MBNL1: variants seen among roughly 807,000 people sequenced by gnomAD.
The protein encoded by MBNL1 is muscleblind-like protein 1.
Under a neutral mutation model 42.2 loss-of-function variants are expected in MBNL1, and 8 were observed. The ratio of observed to expected loss-of-function variants is 0.19; its 90% confidence interval spans 0.11 to 0.34. The LOEUF is 0.34. MBNL1 is among the 10% of genes least tolerant of loss of function. The probability of loss-of-function intolerance (pLI) is 1.00; values close to 1 mark genes in which losing one functional copy is unlikely to be tolerated. For synonymous variants in MBNL1, 169 were observed against 173.9 expected (o/e 0.97, Z 0.22); for missense variants, 309 against 495.3 (o/e 0.62, Z 3.57).
chr3:152,403,186 C>T (rs565697174), intron 2 of MBNL1, among the ~76,000 whole-genome samples: 1 of 141,876 alleles, frequency 7.0e-6, no homozygotes, highest in South Asian at 2.3e-4. Context: ...TCCCCTCTCA[C>T]GTTCACATTC....
At chr3:152,301,416 CAT>C (rs2060677781) in intron 2 of MBNL1, among the ~76,000 whole-genome samples, 1 of 152,102 alleles carries the variant, frequency 6.6e-6, no homozygotes, top group Non-Finnish European at 1.5e-5. Context: ...GTAAAAGTCT[CAT>C]AGATCCATCT....
chr3:152,369,931 A>G (rs1044513602), intron 2 of MBNL1, among the ~76,000 whole-genome samples: 5 of 151,876 alleles, frequency 3.3e-5, no homozygotes, highest in African/African-American at 1.2e-4. Context: ...CTAGTAGTCT[A>G]TCTATTTTGT....
chr3:152,314,753 T>C (rs2069549129), intron 2 of MBNL1, among the ~76,000 whole-genome samples: 2 of 152,246 alleles, frequency 1.3e-5, no homozygotes, highest in South Asian at 2.1e-4. Context: ...GGAGAGCATG[T>C]ACTTTTTCCA....
At chr3:152,391,439 C>A (rs75453690) in intron 2 of MBNL1, among the ~76,000 whole-genome samples, 2,421 of 152,206 alleles carry the variant, frequency 0.016, 57 homozygotes, top group African/African-American at 0.055. Flanking sequence ...TCTATGTTTT[C>A]GTTTTTTCTT....
At chr3:152,323,906 C>T (rs1235719397) in intron 2 of MBNL1, among the ~76,000 whole-genome samples, 1 of 152,140 alleles carries the variant, frequency 6.6e-6, no homozygotes, top group East Asian at 1.9e-4. Context: ...TGGTTTTGTT[C>T]CCTCCTTTCT....
chr3:152,421,978 T>A (rs954693366), intron 3 of MBNL1, among the ~76,000 whole-genome samples: 3 of 148,072 alleles, frequency 2.0e-5, no homozygotes, highest in East Asian at 2.0e-4. Context: ...AAAAAAAAAA[T>A]ACCAAAATGT....
intron 1 of MBNL1, among the ~76,000 whole-genome samples, chr3:152,286,081 A>G (rs2051522806): frequency 6.6e-6 from 1 of 151,640 alleles, no homozygotes; most frequent in Admixed American, 6.6e-5. Flanking sequence ...AGGAGCATAC[A>G]TTTTTAGTTT....
At chr3:152,281,918 C>T (rs1449349097) in intron 1 of MBNL1, among the ~76,000 whole-genome samples, 1 of 152,104 alleles carries the variant, frequency 6.6e-6, no homozygotes, top group Non-Finnish European at 1.5e-5. Flanking sequence ...TTCTCACTTT[C>T]CCCCAAATCC....
intron 2 of MBNL1, among the ~76,000 whole-genome samples, chr3:152,359,147 G>T (rs2095753775): frequency 6.6e-6 from 1 of 152,104 alleles, no homozygotes; most frequent in Non-Finnish European, 1.5e-5. Context: ...ACATGTATAA[G>T]CAAGAAATTG....
chr3:152,374,580 C>T (rs2096820328), intron 2 of MBNL1, among the ~76,000 whole-genome samples: 1 of 152,190 alleles, frequency 6.6e-6, no homozygotes, highest in South Asian at 2.1e-4. Context: ...TCAACTTGGA[C>T]TCAAAGTAAG....
chr3:152,364,312 T>G (rs1045903045), intron 2 of MBNL1, among the ~76,000 whole-genome samples: 9 of 152,092 alleles, frequency 5.9e-5, no homozygotes, highest in African/African-American at 2.2e-4. Flanking sequence ...TTACAATAAC[T>G]TTGTGTTTTT....
chr3:152,325,824 TTTTG>T (rs2079565144), intron 2 of MBNL1, among the ~76,000 whole-genome samples: 2 of 152,070 alleles, frequency 1.3e-5, no homozygotes, highest in South Asian at 2.1e-4. Context: ...TTTCTGTCTT[TTTTG>T]TTTGTTAAGT....
At position 152,372,724 on chromosome 3, in the gene MBNL1, G is replaced by A. The variant is rs557631409; in HGVS notation, c.175-42217G>A. On this transcript the variant is annotated intron_variant, in intron 2 of 9. Transcript: ENST00000324210. ...TGCTAGTGGAGCTCTCCTGTATGAGGTGTCTGTTGACCCCTGCTGGGAGGT... is the reference window on the plus strand; with the variant it reads ...TGCTAGTGGAGCTCTCCTGTATGAGATGTCTGTTGACCCCTGCTGGGAGGT... Among the ~76,000 whole-genome samples the A allele has an allele frequency of 2.6e-5, 4 of 152,340 alleles. No homozygotes were observed. The South Asian group carries it at 8.3e-4, about 32-fold the overall frequency.
Position 152,447,741 on chromosome 3 carries a change from A to G in MBNL1, c.929A>G (p.Gln310Arg). 6.2e-7 allele frequency: 1 copy of G among 1,613,674 alleles called. No homozygotes were observed. The highest frequency in any genetic ancestry group is 8.5e-7 in the Non-Finnish European group (1 of 1,179,612). The stretch of plus-strand genomic sequence containing the variant: ...TACCAACAGGCTCTAGCCAACATGC[A>G]GTTACAACAGCATACAGCATTTCTC... ...FQYQQALANM[Q>R]LQQHTAFLPP... is the part of the protein sequence containing the mutation. The change falls in exon 6 of 10, where the codon CAG becomes CGG. Residue 310 changes from glutamine to arginine, a missense_variant. Transcript: ENST00000324210.
chr3:152,338,096 T>C (rs1432320232), intron 2 of MBNL1: 1 of 967,622 alleles, frequency 1.0e-6, no homozygotes, highest in African/African-American at 1.8e-5. Flanking sequence ...CTATAATATG[T>C]ATTCCTTACT....
intron 2 of MBNL1, among the ~76,000 whole-genome samples, chr3:152,252,249 T>C (rs2034737084): frequency 6.8e-6 from 1 of 148,094 alleles, no homozygotes; most frequent in Non-Finnish European, 1.5e-5. Flanking sequence ...CCTCCTTCCC[T>C]TCCTCCTTCC....
At chr3:152,261,569 C>T (rs1043461245) in intron 2 of MBNL1, among the ~76,000 whole-genome samples, 1 of 152,102 alleles carries the variant, frequency 6.6e-6, no homozygotes, top group Non-Finnish European at 1.5e-5. Flanking sequence ...CAGATAATCT[C>T]CTATCACCTA....
chr3:152,247,689 T>G (rs2033436432), intron 2 of MBNL1, among the ~76,000 whole-genome samples: 1 of 152,028 alleles, frequency 6.6e-6, no homozygotes. Flanking sequence ...TTAACTAAAA[T>G]TAGGCACTTA....
chr3:152,358,282 A>T (rs2095671411), intron 2 of MBNL1, among the ~76,000 whole-genome samples: 1 of 152,204 alleles, frequency 6.6e-6, no homozygotes. Flanking sequence ...ATCTTTGATT[A>T]GTGATATTTT....
Sources: gnomAD v4.1 joint callset for allele counts (sites outside exome capture counted in the v4.1 genomes callset) on GRCh38, gnomAD v4.1.1 for gene constraint, MANE v1.5 for transcripts, NCBI Gene and HGNC (gene_info 2026-07-23, HGNC 2026-07-21) for gene names.